OPCML: variants seen among roughly 807,000 people sequenced by gnomAD.
OPCML encodes the protein opioid binding protein/cell adhesion molecule like.
In OPCML, 13 loss-of-function variants were observed where a neutral mutation model predicts 37.8. The ratio of observed to expected loss-of-function variants is 0.34; its 90% CI spans 0.22 to 0.55. The LOEUF is 0.55. Ranked by LOEUF, OPCML falls within the 20% of genes least tolerant of loss-of-function variation. The probability of loss-of-function intolerance (pLI) is 0.91; values close to 1 mark genes in which losing one functional copy is unlikely to be tolerated. For missense variants in OPCML, 341 were observed against 435.6 expected, an observed-to-expected ratio of 0.78 and a Z score of 1.93; for synonymous variants, 176 against 168.8, an observed-to-expected ratio of 1.04 and a Z score of -0.33.
intron 2 of OPCML, among the ~76,000 whole-genome samples, chr11:132,863,356 G>A (rs141344907): frequency 0.013 from 1,964 of 152,292 alleles, 22 homozygotes; most frequent in Non-Finnish European, 0.022. Context: ...AAGAGAGCTA[G>A]GCAGTGAGGA....
At chr11:133,249,997 C>T (rs1360584411) in intron 1 of OPCML, among the ~76,000 whole-genome samples, 1 of 152,186 alleles carries the variant, frequency 6.6e-6, no homozygotes, top group African/African-American at 2.4e-5. Flanking sequence ...CTAACAACCC[C>T]CAGAAACTCA....
intron 1 of OPCML, among the ~76,000 whole-genome samples, chr11:133,037,437 G>C (rs189916300): frequency 1.3e-5 from 2 of 152,244 alleles, no homozygotes; most frequent in East Asian, 3.9e-4. Context: ...TATTGCATTG[G>C]GTAGGAGGTG....
chr11:133,246,986 C>T (rs959962978), intron 1 of OPCML, among the ~76,000 whole-genome samples: 12 of 151,622 alleles, frequency 7.9e-5, no homozygotes, highest in South Asian at 4.2e-4. Flanking sequence ...TGCCAGTAGC[C>T]GAAACATGAG....
chr11:133,064,365 C>CG (rs1186012865), intron 1 of OPCML, among the ~76,000 whole-genome samples: 2 of 152,364 alleles, frequency 1.3e-5, no homozygotes, highest in South Asian at 2.1e-4. Context: ...CTGAGGCCCC[C>CG]GGGCAGAGCT....
At chr11:132,809,255 G>A (rs529998902) in intron 2 of OPCML, among the ~76,000 whole-genome samples, 10 of 152,266 alleles carry the variant, frequency 6.6e-5, no homozygotes, top group Admixed American at 2.0e-4. Context: ...CACTATGATC[G>A]TGGTGTTAAC....
In OPCML at chr11:132,419,375, A is replaced by C. The variant is rs1317277825; in HGVS notation, c.*818T>G. On this transcript the variant is annotated 3_prime_UTR_variant, in exon 8 of 8. Coordinates refer to ENST00000524381, the MANE Select transcript of OPCML (RefSeq NM_001012393.5). ...ATTTGAGTAGATGGGTAACTGTACC[A>C]TTACTTTGATAGATAGCTTGACAAA... 1 of 152,242 alleles carries C rather than the reference A, an allele frequency of 6.6e-6. No individual in the cohort carries two copies. Among genetic ancestry groups the C allele is most frequent in the African/African-American group, 2.4e-5 (1 of 41,470 alleles). 9.4% of individuals were successfully genotyped at this position (152,242 alleles called of 1,614,324 possible).
At chr11:133,170,233 TTG>T (rs1267176482) in intron 1 of OPCML, among the ~76,000 whole-genome samples, 2 of 152,208 alleles carry the variant, frequency 1.3e-5, no homozygotes, top group African/African-American at 4.8e-5. Flanking sequence ...TCCCAGCACT[TTG>T]TGAGGCCGAG....
intron 3 of OPCML, among the ~76,000 whole-genome samples, chr11:132,632,286 C>CACA (rs1940196585): frequency 1.5e-5 from 2 of 131,466 alleles, no homozygotes; most frequent in African/African-American, 5.9e-5. Context: ...AGGAGGAGAT[C>CACA]ACACAGTTGT....
intron 2 of OPCML, among the ~76,000 whole-genome samples, chr11:132,935,768 G>A (rs2136648083): frequency 6.6e-6 from 1 of 152,260 alleles, no homozygotes; most frequent in South Asian, 2.1e-4. Flanking sequence ...TGGGAGGGAG[G>A]ATAATGGAGT....
intron 1 of OPCML, among the ~76,000 whole-genome samples, chr11:133,433,734 CCTT>C (rs1167397330): frequency 6.6e-6 from 1 of 152,184 alleles, no homozygotes; most frequent in Admixed American, 6.5e-5. Context: ...CCCACTCTCT[CCTT>C]CTGCAAGGCA....
intron 1 of OPCML, among the ~76,000 whole-genome samples, chr11:133,046,176 C>T (rs1263442496): frequency 6.6e-6 from 1 of 152,158 alleles, no homozygotes; most frequent in Non-Finnish European, 1.5e-5. Context: ...AAGTGACTTA[C>T]CTAGATTCTC....
At chr11:132,608,879 G>C (rs1392666355) in intron 3 of OPCML, among the ~76,000 whole-genome samples, 10 of 152,148 alleles carry the variant, frequency 6.6e-5, no homozygotes, top group Non-Finnish European at 1.3e-4. Flanking sequence ...CTGCTCCACT[G>C]TGTACCTCCA....
intron 1 of OPCML, among the ~76,000 whole-genome samples, chr11:133,029,136 G>C (rs1052712495): frequency 1.3e-5 from 2 of 152,170 alleles, no homozygotes; most frequent in African/African-American, 4.8e-5. Flanking sequence ...CTAATCATTA[G>C]AGAAATGCAA....
chr11:133,331,531 CT>C (rs1943619667), intron 1 of OPCML, among the ~76,000 whole-genome samples: 1 of 152,124 alleles, frequency 6.6e-6, no homozygotes, highest in Non-Finnish European at 1.5e-5. Flanking sequence ...AAAAAACACT[CT>C]TTTTTAAAAA....
intron 1 of OPCML, among the ~76,000 whole-genome samples, chr11:133,492,152 C>A (rs147066048): frequency 6.6e-6 from 1 of 152,252 alleles, no homozygotes; most frequent in East Asian, 1.9e-4. Context: ...AAAAACGTAG[C>A]CTGGCCAAAG....
At chr11:132,997,224 A>G (rs1043315064) in intron 1 of OPCML, among the ~76,000 whole-genome samples, 5 of 152,170 alleles carry the variant, frequency 3.3e-5, no homozygotes, top group African/African-American at 7.2e-5. Context: ...TGAGTCACAC[A>G]TATCTTGCTC....
At chr11:133,439,192 G>A in intron 1 of OPCML, 2 of 732,040 alleles carry the variant, frequency 2.7e-6, no homozygotes, top group Non-Finnish European at 1.7e-6. Flanking sequence ...CAGTCTTGTG[G>A]GACTGAGCCC....
chr11:132,830,726 G>T (rs888451344), intron 2 of OPCML, among the ~76,000 whole-genome samples: 1 of 152,194 alleles, frequency 6.6e-6, no homozygotes, highest in South Asian at 2.1e-4. Flanking sequence ...TTCCTCTAAA[G>T]AATTCTGCCT....
chr11:132,472,910 ATGT>A, intron 4 of OPCML, among the ~76,000 whole-genome samples: 1 of 152,352 alleles, frequency 6.6e-6, no homozygotes, highest in South Asian at 2.1e-4. Context: ...TATGCTCTGA[ATGT>A]TAACCCAAGA....
Sources: allele counts gnomAD v4.1 joint callset (sites outside exome capture counted in the v4.1 genomes callset), GRCh38; gene constraint gnomAD v4.1.1; transcripts MANE v1.5; gene names NCBI Gene and HGNC (gene_info 2026-07-23, HGNC 2026-07-21).